Variants in HDAC9 observed in about 807,000 individuals in gnomAD.
HDAC9 encodes MEF-2 interacting transcription repressor (MITR) protein.
In HDAC9, 41 loss-of-function variants were observed where a neutral mutation model predicts 139.4. The observed-to-expected ratio is 0.29, with a 90% CI of 0.23 to 0.38. The LOEUF (loss-of-function observed/expected upper bound fraction) is 0.38, where lower values mean the gene tolerates loss of function less well. Among genes scored for constraint, HDAC9 ranks in the 10% least tolerant of loss-of-function variants. The pLI is 1.00. For synonymous variants in HDAC9, 517 were observed against 476.2 expected, an observed-to-expected ratio of 1.09 and a Z score of -1.12; for missense variants, 1,147 against 1,297.0, an observed-to-expected ratio of 0.88 and a Z score of 1.78.
intron 6 of HDAC9, among the ~76,000 whole-genome samples, chr7:18,602,174 A>C (rs191129135): frequency 1.5e-3 from 233 of 151,910 alleles, no homozygotes; most frequent in Middle Eastern, 6.8e-3. Flanking sequence ...GTTTTTCTCC[A>C]CTTGTGAGTT....
chr7:18,668,628 A>C (rs575330032), intron 12 of HDAC9: 2 of 983,690 alleles, frequency 2.0e-6, no homozygotes, highest in East Asian at 1.1e-4. Context: ...GAATTTAATC[A>C]AGAAACTACC....
intron 11 of HDAC9, among the ~76,000 whole-genome samples, chr7:18,655,746 A>G (rs1790924715): frequency 6.6e-6 from 1 of 152,182 alleles, no homozygotes; most frequent in Non-Finnish European, 1.5e-5. Flanking sequence ...TTTCCTTTTC[A>G]CTCTGCACTG....
At chr7:18,797,362 T>C (rs1237298787) in intron 17 of HDAC9, among the ~76,000 whole-genome samples, 1 of 152,050 alleles carries the variant, frequency 6.6e-6, no homozygotes, top group Non-Finnish European at 1.5e-5. Context: ...ATTTGAGACA[T>C]ACAAAAAGAC....
Position 18,874,555 on chromosome 7 carries a change from G to T in HDAC9, c.2762G>T (p.Gly921Val). 2 of 1,595,028 alleles carry T rather than the reference G, an allele frequency of 1.3e-6. No individual in the cohort carries two copies. Among genetic ancestry groups the T allele is most frequent in the Non-Finnish European group, 1.7e-6 (2 of 1,169,690 alleles). The change falls in exon 22 of 26, where the codon GGC (glycine) becomes GTC (valine). Residue 921 changes from glycine to valine, a missense_variant. By Grantham distance (109) the Gly-to-Val change is moderately radical. Around this residue, in one of 7 missense-constraint regions of HDAC9, gnomAD observed 407 missense variants for 521.5 expected, o/e 0.78. Coordinates refer to ENST00000686413, the MANE Select transcript of HDAC9 (RefSeq NM_178425.4). ...LVSAGFDALEGHTPPLGGYKV... is the reference protein window; with the variant it reads ...LVSAGFDALEVHTPPLGGYKV... Reference sequence around the variant, plus strand: ...TCTGCTGGATTTGATGCATTGGAAGGCCACACCCCTCCTCTAGGAGGGTAC... The same window carrying T: ...TCTGCTGGATTTGATGCATTGGAAGTCCACACCCCTCCTCTAGGAGGGTAC...
chr7:18,243,936 A>G (rs745593850), intron 2 of HDAC9, among the ~76,000 whole-genome samples: 1 of 152,308 alleles, frequency 6.6e-6, no homozygotes, highest in South Asian at 2.1e-4. Flanking sequence ...TGATTATGTG[A>G]TAATAGTACT....
intron 25 of HDAC9, among the ~76,000 whole-genome samples, chr7:18,995,582 T>C (rs1011052521): frequency 5.3e-5 from 8 of 152,302 alleles, no homozygotes; most frequent in Admixed American, 4.6e-4. Context: ...GCCAATCCAG[T>C]TATGAAAGAA....
intron 2 of HDAC9, among the ~76,000 whole-genome samples, chr7:18,176,789 T>C (rs565832477): frequency 8.1e-4 from 123 of 152,330 alleles, no homozygotes; most frequent in African/African-American, 2.9e-3. Flanking sequence ...ATTTTTATCC[T>C]TTTGTCTGTA....
In HDAC9 at chr7:18,469,643, A is replaced by G. The variant is rs1249131379; in HGVS notation, c.-41-26619A>G. 1.4e-4 allele frequency among the ~76,000 whole-genome samples: 21 copies of G among 152,146 alleles called. 1 individual carries two copies. The highest frequency in any genetic ancestry group is 1.4e-3 in the Admixed American group (21 of 15,274). ...AAATAGGACCTCATGCAAGAACACA[A>G]CTGTATAGTGGTTTTCTCTATCCTT... On this transcript the variant is annotated intron_variant, in intron 1 of 3. Transcript: ENST00000413509.
At chr7:18,247,177 G>A (rs962286192) in intron 2 of HDAC9, among the ~76,000 whole-genome samples, 1 of 151,934 alleles carries the variant, frequency 6.6e-6, no homozygotes, top group Non-Finnish European at 1.5e-5. Context: ...TCTAGAAAGA[G>A]TTCTGTTGTG....
intron 1 of HDAC9, among the ~76,000 whole-genome samples, chr7:18,138,857 C>G (rs1168413363): frequency 6.6e-6 from 1 of 152,070 alleles, no homozygotes; most frequent in African/African-American, 2.4e-5. Context: ...ATTCAGAGTA[C>G]TGGATTCTCT....
At chr7:18,788,236 C>T (rs1791989114) in intron 16 of HDAC9, among the ~76,000 whole-genome samples, 1 of 152,064 alleles carries the variant, frequency 6.6e-6, no homozygotes, top group South Asian at 2.1e-4. Flanking sequence ...CCTCTGAACC[C>T]CTCTGTGGAC....
intron 22 of HDAC9, 62 bp downstream of exon 22, chr7:18,874,658 A>G: frequency 1.1e-6 from 1 of 927,672 alleles, no homozygotes; most frequent in Non-Finnish European, 1.7e-6. Flanking sequence ...TTAGGTCTTT[A>G]TGATAGACAC....
chr7:18,703,034 A>G (rs1419996152), intron 12 of HDAC9, among the ~76,000 whole-genome samples: 1 of 152,200 alleles, frequency 6.6e-6, no homozygotes, highest in Non-Finnish European at 1.5e-5. Flanking sequence ...TGCTATAAGG[A>G]ATCAAGAGAA....
intron 21 of HDAC9, among the ~76,000 whole-genome samples, chr7:18,850,060 C>A: frequency 7.1e-6 from 1 of 140,230 alleles, no homozygotes. Context: ...AGTATTCAAC[C>A]AATGTCTTTA....
At chr7:18,778,774 G>A (rs12535294) in intron 16 of HDAC9, among the ~76,000 whole-genome samples, 89,587 of 151,844 alleles carry the variant, frequency 0.59, 29,856 homozygotes, top group Non-Finnish European at 0.76. Flanking sequence ...TAGCCCTTTC[G>A]CCAGAGCAAA....
intron 14 of HDAC9, among the ~76,000 whole-genome samples, chr7:18,752,617 A>G (rs1788547859): frequency 1.3e-5 from 2 of 152,128 alleles, no homozygotes; most frequent in African/African-American, 2.4e-5. Context: ...GTCTTAGGTT[A>G]TCATTCTCTC....
chr7:18,786,620 TCCCTCCC>T (rs1791805013), intron 16 of HDAC9, among the ~76,000 whole-genome samples: 5 of 86,198 alleles, frequency 5.8e-5, no homozygotes, highest in South Asian at 5.6e-4. Context: ...CTTCCTTCCC[TCCCTCCC>T]TCCTTCCTTC....
Position 18,139,121 on chromosome 7 carries a change from C to CTT in HDAC9, c.-96-23087_-96-23086dup, listed in dbSNP as rs552350047. 9.7e-3 allele frequency among the ~76,000 whole-genome samples: 1,022 copies of CTT among 105,846 alleles called. 18 individuals carry two copies. The highest frequency in any genetic ancestry group is 0.029 in the Middle Eastern group (4 of 136). The allele number at this position is 105,846 out of a possible 152,430, so 69.4% of individuals were successfully genotyped here. ...CACCATCATATAATTATAATCTGGACTTTTTTTTTTTTTTTTTTTTTTGAG... is the reference window on the plus strand; with the variant it reads ...CACCATCATATAATTATAATCTGGACTTTTTTTTTTTTTTTTTTTTTTTTGAG... On this transcript the variant is annotated intron_variant, in intron 1 of 12. Coordinates refer to the HDAC9 transcript ENST00000417496.
intron 1 of HDAC9, among the ~76,000 whole-genome samples, chr7:18,331,051 C>T (rs1800883055): frequency 1.3e-5 from 2 of 151,688 alleles, no homozygotes; most frequent in South Asian, 4.1e-4. Context: ...CAACCATAAA[C>T]AGAGATGGGA....
Sources: allele counts gnomAD v4.1 joint callset (sites outside exome capture counted in the v4.1 genomes callset), GRCh38; gene constraint gnomAD v4.1.1; regional missense constraint gnomAD v4.1.1; transcripts MANE v1.5; gene names NCBI Gene and HGNC (gene_info 2026-07-23, HGNC 2026-07-21).